CLDN10: variants seen among roughly 807,000 people sequenced by gnomAD.
CLDN10 encodes claudin 10.
A neutral mutation model predicts 22.9 loss-of-function variants in CLDN10; 15 were observed. The ratio of observed to expected loss-of-function variants is 0.65; its 90% CI spans 0.44 to 1.01. The LOEUF (loss-of-function observed/expected upper bound fraction) is 1.01. CLDN10 is among the 50% of genes least tolerant of loss of function. The pLI is 0.00. For synonymous variants in CLDN10, 114 were observed against 111.4 expected (o/e 1.02, Z -0.15); for missense variants, 247 against 287.8 (o/e 0.86, Z 1.03).
At chr13:95,493,852 G>A (rs2042901705) in intron 1 of CLDN10, among the ~76,000 whole-genome samples, 1 of 152,098 alleles carries the variant, frequency 6.6e-6, no homozygotes, top group Admixed American at 6.6e-5. Flanking sequence ...GAGGCACCAT[G>A]CCCGGCCATA....
chr13:95,499,893 C>T (rs2042967193), intron 1 of CLDN10, among the ~76,000 whole-genome samples: 1 of 152,148 alleles, frequency 6.6e-6, no homozygotes, highest in Non-Finnish European at 1.5e-5. Flanking sequence ...ACATAAAATA[C>T]ATGAACACTA....
intron 1 of CLDN10, among the ~76,000 whole-genome samples, chr13:95,531,750 C>T (rs1057422775): frequency 6.6e-6 from 1 of 150,608 alleles, no homozygotes; most frequent in Non-Finnish European, 1.5e-5. Flanking sequence ...ACTATGTTGG[C>T]CAGGCTGCTC....
At chr13:95,466,127 T>C (rs1395167929) in intron 1 of CLDN10, among the ~76,000 whole-genome samples, 2 of 152,020 alleles carry the variant, frequency 1.3e-5, no homozygotes, top group African/African-American at 4.8e-5. Flanking sequence ...TGGTAAAATA[T>C]ATATAACATA....
At chr13:95,505,749 C>CTTTTT (rs34828390) in intron 1 of CLDN10, among the ~76,000 whole-genome samples, 1,651 of 103,576 alleles carry the variant, frequency 0.016, 5 homozygotes, top group Non-Finnish European at 0.019. Flanking sequence ...CCTTCCCTTT[C>CTTTTT]TTTTTTTTTT....
At chr13:95,471,211 A>G (rs7999152) in intron 1 of CLDN10, among the ~76,000 whole-genome samples, 18,808 of 151,938 alleles carry the variant, frequency 0.12, 1,314 homozygotes, top group South Asian at 0.22. Context: ...CAGGGAATTC[A>G]AGGAACTGAA....
At chr13:95,522,007 G>T (rs2043228744) in intron 1 of CLDN10, among the ~76,000 whole-genome samples, 1 of 151,808 alleles carries the variant, frequency 6.6e-6, no homozygotes, top group Admixed American at 6.6e-5. Context: ...CTACACTGAT[G>T]CCTCCTTTTT....
chr13:95,528,365 A>G (rs2043307085), intron 1 of CLDN10: 1 of 152,236 alleles, frequency 6.6e-6, no homozygotes, highest in Admixed American at 6.5e-5. Flanking sequence ...TCCACCATGA[A>G]TGAGAGGCCT....
intron 1 of CLDN10, among the ~76,000 whole-genome samples, chr13:95,448,153 A>G (rs1376277719): frequency 1.3e-5 from 2 of 152,038 alleles, no homozygotes; most frequent in South Asian, 2.1e-4. Context: ...TCTACAGCTA[A>G]CTACTCATAC....
chr13:95,575,835 T>G (rs1341014062), intron 3 of CLDN10, among the ~76,000 whole-genome samples: 3 of 152,208 alleles, frequency 2.0e-5, no homozygotes, highest in African/African-American at 7.2e-5. Flanking sequence ...GCATTTCTTG[T>G]GCACGTAACT....
intron 1 of CLDN10, among the ~76,000 whole-genome samples, chr13:95,537,760 T>C (rs1403614455): frequency 6.6e-6 from 1 of 152,232 alleles, no homozygotes. Flanking sequence ...CATAACTACC[T>C]GCCTGGTAAT....
At chr13:95,530,611 G>A (rs2043332049) in intron 1 of CLDN10, among the ~76,000 whole-genome samples, 1 of 152,164 alleles carries the variant, frequency 6.6e-6, no homozygotes, top group Non-Finnish European at 1.5e-5. Context: ...TTAATGCTAT[G>A]GTTACAAGCT....
intron 1 of CLDN10, among the ~76,000 whole-genome samples, chr13:95,515,842 G>A (rs2043159919): frequency 6.6e-6 from 1 of 152,112 alleles, no homozygotes; most frequent in African/African-American, 2.4e-5. Context: ...CAAACTGACA[G>A]GCAGGTAGAT....
intron 3 of CLDN10, among the ~76,000 whole-genome samples, chr13:95,568,096 A>G (rs1238703619): frequency 6.6e-6 from 1 of 152,178 alleles, no homozygotes; most frequent in Non-Finnish European, 1.5e-5. Context: ...AAGATGTTTA[A>G]TTTCTCTCTT....
At chr13:95,452,693 T>C (rs79251791) in intron 1 of CLDN10, among the ~76,000 whole-genome samples, 11,636 of 152,292 alleles carry the variant, frequency 0.076, 665 homozygotes, top group South Asian at 0.22. Context: ...GACTAAATTA[T>C]GAGCCATAAC....
At chr13:95,577,116 A>G (rs2043943241) in intron 3 of CLDN10, 115 bp from the exon 4 acceptor site, 3 of 709,060 alleles carry the variant, frequency 4.2e-6, no homozygotes, top group South Asian at 1.9e-5. Flanking sequence ...TTCCTTTACA[A>G]TTTTCAATAG....
chr13:95,437,726 T>A (rs750723909), intron 1 of CLDN10, among the ~76,000 whole-genome samples: 3 of 152,162 alleles, frequency 2.0e-5, no homozygotes, highest in Non-Finnish European at 4.4e-5. Context: ...GTGTGCTGAA[T>A]TGAGGAGCGA....
intron 1 of CLDN10, among the ~76,000 whole-genome samples, chr13:95,556,997 G>A (rs1250839621): frequency 2.0e-5 from 3 of 152,214 alleles, no homozygotes; most frequent in African/African-American, 7.2e-5. Flanking sequence ...AGCTGAATGA[G>A]CTTGTGATTT....
chr13:95,457,734 G>A (rs2042496528), intron 1 of CLDN10, among the ~76,000 whole-genome samples: 1 of 152,072 alleles, frequency 6.6e-6, no homozygotes, highest in African/African-American at 2.4e-5. Context: ...GGCAGCCTGG[G>A]TATATAGTGA....
chr13:95,517,302 A>C, intron 1 of CLDN10, among the ~76,000 whole-genome samples: 1 of 152,126 alleles, frequency 6.6e-6, no homozygotes, highest in East Asian at 1.9e-4. Flanking sequence ...AAGTCGGGGC[A>C]GCCATTGCCC....
Sources: allele counts gnomAD v4.1 joint callset (sites outside exome capture counted in the v4.1 genomes callset), GRCh38; gene constraint gnomAD v4.1.1; transcripts MANE v1.5; gene names NCBI Gene and HGNC (gene_info 2026-07-23, HGNC 2026-07-21).